The following ACTR3C variants were observed in gnomAD, a reference collection of about 807,000 sequenced individuals.
The protein encoded by ACTR3C is actin related protein 3C, also known as actin-related protein 3C.
ACTR3C carries 18 observed loss-of-function variants against 26.3 expected under a neutral mutation model. The ratio of observed to expected loss-of-function variants is 0.68; its 90% CI spans 0.47 to 1.01. ACTR3C has a LOEUF of 1.01. Among genes scored for constraint, ACTR3C ranks in the 50% least tolerant of loss-of-function variants. The probability of loss-of-function intolerance (pLI) is 0.00; values close to 1 mark genes in which losing one functional copy is unlikely to be tolerated. For synonymous variants in ACTR3C, 55 were observed against 94.5 expected (o/e 0.58, Z 2.42); for missense variants, 184 against 250.7 (o/e 0.73, Z 1.80).
At chr7:150,199,725 C>CAA in the ACTR3C span, among the ~76,000 whole-genome samples, 2,872 of 86,018 alleles carry the variant, frequency 0.033, 460 homozygotes, top group South Asian at 0.11. Flanking sequence ...ATATTTTTAT[C>CAA]AAAAAAAAAA....
chr7:150,019,773 C>T, the ACTR3C span, among the ~76,000 whole-genome samples: 1 of 151,732 alleles, frequency 6.6e-6, no homozygotes, highest in African/African-American at 2.4e-5. Context: ...GGCTGGACAC[C>T]CTGCAATGGG....
chr7:150,110,722 GGGGCTTAGAA>G, the ACTR3C span, among the ~76,000 whole-genome samples: 1 of 149,086 alleles, frequency 6.7e-6, no homozygotes, highest in Non-Finnish European at 1.5e-5. Flanking sequence ...GCCTGAGGGT[GGGGCTTAGAA>G]GGGCCAGAGC....
chr7:149,970,988 A>C, the ACTR3C span, among the ~76,000 whole-genome samples: 2 of 152,176 alleles, frequency 1.3e-5, no homozygotes, highest in East Asian at 3.9e-4. Context: ...GAATTCCTGG[A>C]GCAATCACAG....
chr7:150,117,295 C>A, the ACTR3C span, among the ~76,000 whole-genome samples: 1 of 152,218 alleles, frequency 6.6e-6, no homozygotes, highest in African/African-American at 2.4e-5. Flanking sequence ...CTCAGCGGAG[C>A]CCATCTCCAT....
the ACTR3C span, among the ~76,000 whole-genome samples, chr7:150,049,848 T>C: frequency 4.6e-5 from 7 of 152,240 alleles, no homozygotes; most frequent in Non-Finnish European, 8.8e-5. Context: ...TGAAGAAACA[T>C]GAGTTTAAAA....
the ACTR3C span, among the ~76,000 whole-genome samples, chr7:149,960,898 G>A: frequency 6.6e-6 from 1 of 152,252 alleles, no homozygotes; most frequent in African/African-American, 2.4e-5. Context: ...TGTGGACTTA[G>A]AGAAAGTACA....
chr7:150,022,461 A>G, the ACTR3C span, among the ~76,000 whole-genome samples: 2 of 151,530 alleles, frequency 1.3e-5, no homozygotes, highest in Non-Finnish European at 2.9e-5. Context: ...GAAAATAGTG[A>G]CTTGCTTATG....
intron 1 of ACTR3C, among the ~76,000 whole-genome samples, chr7:150,308,659 A>C (rs1323111491): frequency 6.7e-6 from 1 of 149,876 alleles, no homozygotes; most frequent in East Asian, 2.0e-4. Flanking sequence ...TCCCCAGGCC[A>C]CTCCTTGACA....
chr7:150,258,116 GAA>G (rs199583243), intron 6 of ACTR3C, among the ~76,000 whole-genome samples: 1 of 151,828 alleles, frequency 6.6e-6, no homozygotes, highest in Non-Finnish European at 1.5e-5. Context: ...CTATAACTAG[GAA>G]AAAAAGTTAG....
chr7:150,058,929 CA>C, the ACTR3C span, among the ~76,000 whole-genome samples: 1 of 151,794 alleles, frequency 6.6e-6, no homozygotes, highest in African/African-American at 2.4e-5. Flanking sequence ...AAAAAACAAA[CA>C]AAAAAACAAA....
At chr7:149,927,169 G>A in the ACTR3C span, among the ~76,000 whole-genome samples, 1 of 152,090 alleles carries the variant, frequency 6.6e-6, no homozygotes, top group African/African-American at 2.4e-5. Context: ...CTCCCAGGGA[G>A]ACCAAGAGCC....
chr7:149,921,141 T>C, the ACTR3C span, among the ~76,000 whole-genome samples: 7 of 152,232 alleles, frequency 4.6e-5, no homozygotes, highest in African/African-American at 1.7e-4. Context: ...AGTCCTTATA[T>C]TAATATTATA....
At chr7:150,183,098 AC>A in the ACTR3C span, among the ~76,000 whole-genome samples, 2 of 150,806 alleles carry the variant, frequency 1.3e-5, no homozygotes, top group African/African-American at 5.0e-5. Context: ...TTGTTGATGA[AC>A]TTTAATTTTA....
the ACTR3C span, among the ~76,000 whole-genome samples, chr7:149,922,970 C>CTTT: frequency 0.29 from 20,226 of 68,802 alleles, 5,255 homozygotes; most frequent in East Asian, 0.41. Context: ...AAATAAAAGG[C>CTTT]TTTTTTTTTT....
chr7:149,883,132 G>A, the ACTR3C span, among the ~76,000 whole-genome samples: 1 of 152,248 alleles, frequency 6.6e-6, no homozygotes, highest in Non-Finnish European at 1.5e-5. Context: ...TCAGGTGTTG[G>A]TAGGAACAAA....
chr7:149,925,444 G>C, the ACTR3C span, among the ~76,000 whole-genome samples: 2 of 152,128 alleles, frequency 1.3e-5, no homozygotes, highest in South Asian at 4.1e-4. Context: ...AGGGGAAGCC[G>C]GCACCATTAG....
chr7:150,162,950 G>A, the ACTR3C span, among the ~76,000 whole-genome samples: 5 of 152,048 alleles, frequency 3.3e-5, no homozygotes, highest in South Asian at 2.1e-4. Flanking sequence ...TCAGGAGTTC[G>A]AGACCAGTCT....
the ACTR3C span, among the ~76,000 whole-genome samples, chr7:150,145,250 T>A: frequency 6.6e-6 from 1 of 151,998 alleles, no homozygotes; most frequent in Non-Finnish European, 1.5e-5. Context: ...TTGGGAATAT[T>A]TAGCTAGTGA....
At chr7:150,315,208 A>G (rs2129616517) in intron 1 of ACTR3C, among the ~76,000 whole-genome samples, 1 of 151,560 alleles carries the variant, frequency 6.6e-6, no homozygotes, top group Middle Eastern at 3.4e-3. Context: ...AGGACACAAA[A>G]AGCAATGACT....
Sources: gnomAD v4.1 joint callset for allele counts (sites outside exome capture counted in the v4.1 genomes callset) on GRCh38, gnomAD v4.1.1 for gene constraint, MANE v1.5 for transcripts, NCBI Gene and HGNC (gene_info 2026-07-23, HGNC 2026-07-21) for gene names.